TENM3: variants seen among roughly 807,000 people sequenced by gnomAD.
TENM3 encodes teneurin transmembrane protein 3.
Under a neutral mutation model 255.1 loss-of-function variants are expected in TENM3, and 63 were observed. The ratio of observed to expected loss-of-function variants is 0.25; its 90% CI spans 0.20 to 0.30. TENM3 has a LOEUF of 0.30. TENM3 is among the 10% of genes least tolerant of loss of function. The probability of loss-of-function intolerance (pLI) is 1.00; values close to 1 mark genes in which losing one functional copy is unlikely to be tolerated. For synonymous variants in TENM3, 1,306 were observed against 1,322.3 expected (o/e 0.99, Z 0.27); for missense variants, 2,929 against 3,461.1 (o/e 0.85, Z 3.86).
At chr4:182,498,739 C>G (rs1044264194) in intron 3 of TENM3, among the ~76,000 whole-genome samples, 20 of 152,110 alleles carry the variant, frequency 1.3e-4, no homozygotes, top group African/African-American at 4.8e-4. Flanking sequence ...CCTGTAATCC[C>G]AGCTACTCCA....
At chr4:181,965,676 T>C in the TENM3 span, among the ~76,000 whole-genome samples, 3 of 152,218 alleles carry the variant, frequency 2.0e-5, no homozygotes, top group African/African-American at 7.2e-5. Flanking sequence ...AATTAGTTTG[T>C]TTAAGTCAGG....
the TENM3 span, among the ~76,000 whole-genome samples, chr4:181,779,983 T>G: frequency 5.6e-4 from 85 of 152,366 alleles, no homozygotes; most frequent in African/African-American, 1.9e-3. Flanking sequence ...TTTTTATGGC[T>G]GCATAGTATT....
intron 16 of TENM3, among the ~76,000 whole-genome samples, chr4:182,731,837 A>G (rs749334177): frequency 2.7e-5 from 4 of 149,046 alleles, no homozygotes; most frequent in Middle Eastern, 3.2e-3. Context: ...GCTGGAGTGC[A>G]GTGGCACGAT....
the TENM3 span, among the ~76,000 whole-genome samples, chr4:181,931,886 T>C: frequency 2.6e-5 from 4 of 152,204 alleles, no homozygotes; most frequent in Non-Finnish European, 5.9e-5. Context: ...ATCTGATCTT[T>C]GACAAACCTG....
chr4:182,680,441 G>GT (rs895214609), intron 9 of TENM3, 92 bp downstream of exon 9: 47 of 1,401,810 alleles, frequency 3.4e-5, no homozygotes, highest in African/African-American at 5.8e-5. Context: ...AAAGAAAGGG[G>GT]GGGGGAGACT....
At chr4:181,948,244 G>A in the TENM3 span, among the ~76,000 whole-genome samples, 1 of 151,884 alleles carries the variant, frequency 6.6e-6, no homozygotes, top group African/African-American at 2.4e-5. Flanking sequence ...TAATTCACGG[G>A]GGGAAAAAAT....
At position 182,681,769 on chromosome 4, in the gene TENM3, T is replaced by C. The variant is rs1299776946; in HGVS notation, c.1835-45T>C. On this transcript the variant is annotated intron_variant, in intron 10 of 27. Coordinates refer to ENST00000511685, the MANE Select transcript of TENM3 (RefSeq NM_001080477.4). The stretch of plus-strand genomic sequence containing the variant: ...TTAATTCTTTTTTCTGCATGCACTA[T>C]GATATCTTCTGGATTTAATAAAATT... 2.1e-6 allele frequency: 3 copies of C among 1,424,794 alleles called. No homozygotes were observed. The Admixed American group carries it at 5.9e-5, about 28-fold the overall frequency. 88.3% of individuals were successfully genotyped at this position (1,424,794 alleles called of 1,614,324 possible).
the TENM3 span, among the ~76,000 whole-genome samples, chr4:181,900,950 TC>T: frequency 1.3e-5 from 2 of 152,302 alleles, no homozygotes; most frequent in East Asian, 3.9e-4. Flanking sequence ...CACTCTCATT[TC>T]CGTCATTTTC....
Position 182,248,711 on chromosome 4 carries a change from A to C in TENM3, c.-76+5235A>C, listed in dbSNP as rs751282623. ...ATTTTCCTTCATTCATTCAACAAAT[A>C]ATTACATGCCTACTACGTGCCAGCT... On this transcript the variant is annotated intron_variant, in intron 1 of 27. Coordinates refer to ENST00000511685, the MANE Select transcript of TENM3 (RefSeq NM_001080477.4). Among the ~76,000 whole-genome samples the C allele has an allele frequency of 4.3e-4, 65 of 152,216 alleles. 2 individuals are homozygous for C. The highest frequency in any genetic ancestry group is 1.2e-4 in the Non-Finnish European group (8 of 68,040).
the TENM3 span, among the ~76,000 whole-genome samples, chr4:181,955,934 G>A: frequency 2.1e-3 from 314 of 152,266 alleles, 2 homozygotes; most frequent in African/African-American, 7.2e-3. Context: ...AAACAAGTTG[G>A]TATTACATGT....
chr4:182,713,315 G>A (rs977802228), intron 12 of TENM3, among the ~76,000 whole-genome samples: 16 of 152,026 alleles, frequency 1.1e-4, no homozygotes, highest in African/African-American at 1.9e-4. Context: ...CATTTTGTCC[G>A]TCCTAAGTAA....
intron 3 of TENM3, among the ~76,000 whole-genome samples, chr4:182,507,814 C>T (rs1352413414): frequency 1.3e-5 from 2 of 152,136 alleles, no homozygotes; most frequent in African/African-American, 2.4e-5. Context: ...GCCAAAGAGA[C>T]GAAATAGATC....
Position 182,793,918 on chromosome 4 carries a change from G to A in TENM3, c.7213+33G>A. 1.9e-6 allele frequency: 3 copies of A among 1,539,610 alleles called. No individual in the cohort carries two copies. Among genetic ancestry groups the A allele is most frequent in the African/African-American group, 2.8e-5 (2 of 72,356 alleles). On this transcript the variant is annotated intron_variant, in intron 26 of 27. Coordinates refer to ENST00000511685, the MANE Select transcript of TENM3 (RefSeq NM_001080477.4). The surrounding 1 kb of genome is among the most constrained non-coding windows in gnomAD (Gnocchi z 5.7). ...TTTTGATTCCTTCCCAAGAGCTGGA[G>A]GACTACCATCATTAGATTAATACAC...
chr4:181,604,768 T>C, the TENM3 span, among the ~76,000 whole-genome samples: 2 of 152,328 alleles, frequency 1.3e-5, no homozygotes, highest in South Asian at 4.1e-4. Flanking sequence ...TGGTGTGGAA[T>C]GCATCCTAGT....
At chr4:182,353,621 T>TG (rs1274775579) in intron 3 of TENM3, among the ~76,000 whole-genome samples, 4 of 152,242 alleles carry the variant, frequency 2.6e-5, no homozygotes, top group African/African-American at 9.6e-5. Context: ...CATTTAAGGA[T>TG]GAAATAGATT....
the TENM3 span, among the ~76,000 whole-genome samples, chr4:181,485,252 AT>A: frequency 3.5e-3 from 538 of 152,290 alleles, 2 homozygotes; most frequent in African/African-American, 0.012. Flanking sequence ...TAAGAATTCA[AT>A]AAAGCATTAA....
chr4:182,727,863 A>C (rs1262807760), intron 13 of TENM3, among the ~76,000 whole-genome samples: 3 of 95,368 alleles, frequency 3.1e-5, no homozygotes, highest in Admixed American at 1.3e-4. Flanking sequence ...CCTTAGAAGA[A>C]CTTTTTTTTT....
the TENM3 span, among the ~76,000 whole-genome samples, chr4:181,542,458 C>A: frequency 1.3e-5 from 2 of 152,150 alleles, no homozygotes; most frequent in Non-Finnish European, 2.9e-5. Flanking sequence ...ATAATGGCAA[C>A]TCTGTGAAGA....
the TENM3 span, among the ~76,000 whole-genome samples, chr4:181,583,566 G>A: frequency 5.3e-5 from 8 of 152,126 alleles, no homozygotes; most frequent in Middle Eastern, 3.2e-3. Flanking sequence ...ACGTGGGGGC[G>A]TGCCACCTCC....
Sources: gnomAD v4.1 joint callset for allele counts (sites outside exome capture counted in the v4.1 genomes callset) on GRCh38, gnomAD v4.1.1 for gene constraint, Gnocchi (gnomAD v3.1) non-coding constraint, MANE v1.5 for transcripts, NCBI Gene and HGNC (gene_info 2026-07-23, HGNC 2026-07-21) for gene names.